ADRA1A: variants seen among roughly 807,000 people sequenced by gnomAD.
ADRA1A encodes alpha-1A adrenergic receptor.
A neutral mutation model predicts 29.6 loss-of-function variants in ADRA1A; 31 were observed. The ratio of observed to expected loss-of-function variants is 1.05; its 90% CI spans 0.79 to 1.41. The LOEUF is 1.41. Among genes scored for constraint, ADRA1A ranks in the 40% most tolerant of loss-of-function variants. ADRA1A has a pLI of 0.00. For missense variants in ADRA1A, 619 were observed against 601.1 expected, an observed-to-expected ratio of 1.03 and a Z score of -0.31; for synonymous variants, 311 against 254.3, an observed-to-expected ratio of 1.22 and a Z score of -2.12.
rs553586300 is a variant in ADRA1A, at chr8:26,839,487, A to T, written c.883+24600T>A. ...GAAGTTTTTTGACTTCCTAAACTTC[A>T]AACTGGAAAACCAGCCTCCTCTGAC... is the stretch of plus-strand genomic sequence containing the variant. On this transcript the variant is annotated intron_variant, in intron 2 of 2. Coordinates refer to ENST00000380573, the MANE Select transcript of ADRA1A (RefSeq NM_000680.4). 2.5e-3 allele frequency among the ~76,000 whole-genome samples: 384 copies of T among 152,240 alleles called. 3 individuals carry two copies. Among genetic ancestry groups the T allele is most frequent in the Non-Finnish European group, 3.5e-3 (241 of 68,004 alleles).
At chr8:26,750,468 C>T (rs547591090) in intron 2 of ADRA1A, among the ~76,000 whole-genome samples, 1 of 152,286 alleles carries the variant, frequency 6.6e-6, no homozygotes, top group South Asian at 2.1e-4. Flanking sequence ...TCCGAACGTG[C>T]TGGGATTACA....
At chr8:26,773,409 C>A (rs986495045) in intron 2 of ADRA1A, among the ~76,000 whole-genome samples, 2 of 152,086 alleles carry the variant, frequency 1.3e-5, no homozygotes, top group Non-Finnish European at 2.9e-5. Flanking sequence ...CATTATGAAA[C>A]CTATATATTG....
At chr8:26,845,839 T>C (rs1281319837) in intron 2 of ADRA1A, among the ~76,000 whole-genome samples, 2 of 152,210 alleles carry the variant, frequency 1.3e-5, no homozygotes, top group East Asian at 3.9e-4. Context: ...ACACAAAAGG[T>C]CACATATATG....
At chr8:26,854,978 T>C (rs2130762836) in intron 2 of ADRA1A, among the ~76,000 whole-genome samples, 1 of 152,304 alleles carries the variant, frequency 6.6e-6, no homozygotes, top group South Asian at 2.1e-4. Flanking sequence ...TCCATAAAGA[T>C]GAAGGTAGGT....
chr8:26,769,506 T>C lies in ADRA1A; in HGVS notation c.*643A>G. 1.0e-6 allele frequency: 1 copy of C among 985,412 alleles called. No individual in the cohort carries two copies. The highest frequency in any genetic ancestry group is 4.7e-5 in the South Asian group (1 of 21,286). 61.0% of individuals were successfully genotyped at this position (985,412 alleles called of 1,614,324 possible). A position where few individuals can be genotyped will look rare whatever the true frequency, so the allele number is the denominator to read the frequency against. ...ACACTACATTCCAAGACATCATGAGTGCCCCTCACTCTCATCTTTGGGAAA... is the reference window on the plus strand; with the variant it reads ...ACACTACATTCCAAGACATCATGAGCGCCCCTCACTCTCATCTTTGGGAAA... On this transcript the variant is annotated 3_prime_UTR_variant, in exon 3 of 3. Transcript: ENST00000380573.
Position 26,787,415 on chromosome 8 carries a change from C to T in ADRA1A, c.884-16749G>A, listed in dbSNP as rs116313763. ...GACATGGAAAAAAAACCCACACATACTATATTCTGTCTGAAAAGACTTTGA... is the reference window on the plus strand; with the variant it reads ...GACATGGAAAAAAAACCCACACATATTATATTCTGTCTGAAAAGACTTTGA... On this transcript the variant is annotated intron_variant, in intron 2 of 2. Coordinates refer to ENST00000380573, the MANE Select transcript of ADRA1A (RefSeq NM_000680.4). This position sits in a 1 kb window ranked among gnomAD's most constrained non-coding sequence, Gnocchi z 4.2. Among the ~76,000 whole-genome samples the T allele has an allele frequency of 6.6e-6, 1 of 152,134 alleles. No individual in the cohort carries two copies. Among genetic ancestry groups the T allele is most frequent in the Non-Finnish European group, 1.5e-5 (1 of 68,024 alleles).
intron 2 of ADRA1A, among the ~76,000 whole-genome samples, chr8:26,793,119 A>G (rs1807951201): frequency 6.6e-6 from 1 of 151,950 alleles, no homozygotes; most frequent in African/African-American, 2.4e-5. Context: ...AATAGACAGG[A>G]TTATTTTAGG....
chr8:26,859,633 TCATC>T (rs1177769702), intron 2 of ADRA1A, among the ~76,000 whole-genome samples: 3 of 152,068 alleles, frequency 2.0e-5, no homozygotes, highest in Non-Finnish European at 4.4e-5. Context: ...TTGGAGGAAA[TCATC>T]TCTTACTCAA....
downstream of ADRA1A, among the ~76,000 whole-genome samples, chr8:26,768,245 T>A (rs76915639): frequency 6.6e-6 from 1 of 152,290 alleles, no homozygotes; most frequent in East Asian, 1.9e-4. Context: ...AAGAAAAAGA[T>A]GTTGAGGCCG....
In ADRA1A at chr8:26,865,091, G is replaced by C. The variant is rs1813809366; in HGVS notation, c.-122C>G. On this transcript the variant is annotated 5_prime_UTR_variant, in exon 2 of 3. Coordinates refer to ENST00000380573, the MANE Select transcript of ADRA1A (RefSeq NM_000680.4). This position sits in a 1 kb window ranked among gnomAD's most constrained non-coding sequence, Gnocchi z 7.6. ...GGCTGGAGGGAGCCCTGCCAGGTGG[G>C]TTTGGCTGGGGGTGAGAGCGCGCGC... 1 of 1,499,464 alleles carries C rather than the reference G, an allele frequency of 6.7e-7. No homozygotes were observed. The highest frequency in any genetic ancestry group is 8.8e-7 in the Non-Finnish European group (1 of 1,135,304). The allele number at this position is 1,499,464 out of a possible 1,614,324, so 92.9% of individuals were successfully genotyped here. A position where few individuals can be genotyped will look rare whatever the true frequency, so the allele number is the denominator to read the frequency against.
At chr8:26,818,588 A>G (rs1224932085) in intron 2 of ADRA1A, among the ~76,000 whole-genome samples, 1 of 152,118 alleles carries the variant, frequency 6.6e-6, no homozygotes, top group Non-Finnish European at 1.5e-5. Flanking sequence ...TTCGTTTTAT[A>G]TGACTATAAA....
At chr8:26,783,383 G>A (rs917426062) in intron 2 of ADRA1A, among the ~76,000 whole-genome samples, 1 of 152,096 alleles carries the variant, frequency 6.6e-6, no homozygotes, top group Non-Finnish European at 1.5e-5. Context: ...ACTCAGCTGA[G>A]CGATGTGGCA....
At chr8:26,761,287 C>G (rs1225036353), downstream of ADRA1A, among the ~76,000 whole-genome samples, 2 of 152,202 alleles carry the variant, frequency 1.3e-5, no homozygotes, top group Admixed American at 6.5e-5. Context: ...TGAATTTAAA[C>G]TTCTAATCTG....
At chr8:26,855,861 C>T (rs1163500719) in intron 2 of ADRA1A, among the ~76,000 whole-genome samples, 4 of 152,202 alleles carry the variant, frequency 2.6e-5, no homozygotes, top group Admixed American at 6.5e-5. Flanking sequence ...ATACAGTAAA[C>T]TTGTTAGACA....
intron 2 of ADRA1A, among the ~76,000 whole-genome samples, chr8:26,786,749 G>T (rs1048163243): frequency 2.0e-4 from 30 of 151,952 alleles, no homozygotes; most frequent in Admixed American, 7.2e-4. Flanking sequence ...TGGGTTGGGG[G>T]GGGGGGTCTC....
At position 26,809,189 on chromosome 8, in the gene ADRA1A, T is replaced by C. The variant is rs549821602; in HGVS notation, c.884-38523A>G. 5.3e-5 allele frequency among the ~76,000 whole-genome samples: 8 copies of C among 152,350 alleles called. No individual in the cohort carries two copies. The South Asian group carries it at 1.4e-3, about 28-fold the overall frequency. On this transcript the variant is annotated intron_variant, in intron 2 of 2. Coordinates refer to ENST00000380573, the MANE Select transcript of ADRA1A (RefSeq NM_000680.4). ...CATTATTCCCCTAAACAAACTTTAC[T>C]GCCAAAGCTAATTTGAACTATTGTC...
intron 2 of ADRA1A, among the ~76,000 whole-genome samples, chr8:26,749,129 C>T (rs1461961353): frequency 6.6e-6 from 1 of 152,204 alleles, no homozygotes; most frequent in Non-Finnish European, 1.5e-5. Context: ...CTCATGGCCC[C>T]TAAAAATACT....
intron 2 of ADRA1A, among the ~76,000 whole-genome samples, chr8:26,797,335 C>T (rs1042164686): frequency 2.0e-5 from 3 of 152,014 alleles, no homozygotes; most frequent in African/African-American, 4.8e-5. Flanking sequence ...CTCGCTCTGT[C>T]GCCCAGGCTG....
At chr8:26,826,096 C>T (rs1298196053) in intron 2 of ADRA1A, among the ~76,000 whole-genome samples, 1 of 152,230 alleles carries the variant, frequency 6.6e-6, no homozygotes, top group Non-Finnish European at 1.5e-5. Flanking sequence ...TCCTGCCCCT[C>T]AAAGCTCAGC....
Sources: gnomAD v4.1 joint callset for allele counts (sites outside exome capture counted in the v4.1 genomes callset) on GRCh38, gnomAD v4.1.1 for gene constraint, Gnocchi (gnomAD v3.1) non-coding constraint, MANE v1.5 for transcripts, NCBI Gene and HGNC (gene_info 2026-07-23, HGNC 2026-07-21) for gene names.